The following EFCAB11 variants were observed in gnomAD, a reference collection of about 807,000 sequenced individuals.
EFCAB11 encodes the protein EF-hand calcium binding domain 11, also known as EF-hand calcium-binding domain-containing protein 11.
EFCAB11 carries 14 observed loss-of-function variants against 23.0 expected under a neutral mutation model. That is an observed-to-expected ratio of 0.61 (90% CI 0.40 to 0.95). The LOEUF (loss-of-function observed/expected upper bound fraction) is 0.95. EFCAB11 is among the 40% of genes least tolerant of loss of function. The pLI is 0.00. For missense variants in EFCAB11, 198 were observed against 195.8 expected, an observed-to-expected ratio of 1.01 and a Z score of -0.07; for synonymous variants, 65 against 66.6, an observed-to-expected ratio of 0.98 and a Z score of 0.11.
chr14:89,948,115 A>AT (rs1193708633), intron 3 of EFCAB11, among the ~76,000 whole-genome samples: 11 of 152,058 alleles, frequency 7.2e-5, no homozygotes, highest in Non-Finnish European at 1.5e-4. Flanking sequence ...TATGAATGAT[A>AT]TTTTTTCTTT....
intron 5 of EFCAB11, among the ~76,000 whole-genome samples, chr14:89,911,866 G>A (rs1889689709): frequency 6.6e-6 from 1 of 152,204 alleles, no homozygotes; most frequent in Non-Finnish European, 1.5e-5. Context: ...GACAGAGCAC[G>A]TGTCCTGTGC....
chr14:89,892,366 G>T (rs1434659329), intron 5 of EFCAB11: 5 of 1,611,614 alleles, frequency 3.1e-6, no homozygotes, highest in Non-Finnish European at 4.2e-6. Context: ...AGGGCTTGGG[G>T]GGTGTCCGGC....
At chr14:89,870,767 T>TAAC (rs1888241065) in intron 5 of EFCAB11, among the ~76,000 whole-genome samples, 1 of 102,972 alleles carries the variant, frequency 9.7e-6, no homozygotes. Flanking sequence ...TCATCTCTAC[T>TAAC]AAAAAAAAAA....
intron 5 of EFCAB11, among the ~76,000 whole-genome samples, chr14:89,892,954 T>A (rs1257478256): frequency 6.6e-6 from 1 of 152,094 alleles, no homozygotes; most frequent in Non-Finnish European, 1.5e-5. Flanking sequence ...GATGTGCAAC[T>A]TCCTGTCCTT....
chr14:89,910,310 T>C (rs185223699), intron 5 of EFCAB11, among the ~76,000 whole-genome samples: 134 of 152,230 alleles, frequency 8.8e-4, no homozygotes, highest in Admixed American at 1.4e-3. Context: ...ATTTAAAATG[T>C]CTAGTGACCG....
At chr14:89,890,826 G>C (rs774906988) in intron 5 of EFCAB11, among the ~76,000 whole-genome samples, 1 of 152,190 alleles carries the variant, frequency 6.6e-6, no homozygotes, top group African/African-American at 2.4e-5. Flanking sequence ...ATGGGGAGAC[G>C]AGGCCAGAAG....
intron 2 of EFCAB11, 93 bp downstream of exon 2, chr14:89,953,813 T>C: frequency 9.5e-7 from 1 of 1,055,006 alleles, no homozygotes; most frequent in South Asian, 1.5e-5. Context: ...TAAAGCAATT[T>C]ATAAACATCC....
chr14:89,877,313 C>G (rs1457130358), intron 5 of EFCAB11, among the ~76,000 whole-genome samples: 4 of 152,082 alleles, frequency 2.6e-5, no homozygotes, highest in Non-Finnish European at 4.4e-5. Context: ...GCTAGGATTA[C>G]AGGCATGAAC....
chr14:89,881,358 A>C (rs1888589996), intron 5 of EFCAB11, among the ~76,000 whole-genome samples: 1 of 148,412 alleles, frequency 6.7e-6, no homozygotes, highest in Admixed American at 6.8e-5. Context: ...CAAAAATCTC[A>C]GTTTCTCCAA....
At chr14:89,950,271 G>A (rs1378400126) in intron 2 of EFCAB11, 129 bp from the exon 3 acceptor site, 1 of 923,596 alleles carries the variant, frequency 1.1e-6, no homozygotes, top group African/African-American at 1.7e-5. Context: ...AAGCAGACAA[G>A]TAATGATACA....
chr14:89,812,622 G>A lies in EFCAB11; in HGVS notation c.411-15298C>T, dbSNP rs114603056. On this transcript the variant is annotated intron_variant, in intron 5 of 5. Transcript: ENST00000316738. ...GGGAATAGGATAAATGTCCTGGAAA[G>A]GTCACCTTGTATGTAAAAGGAATCA... Among the ~76,000 whole-genome samples, 804 of 152,280 alleles carry A rather than the reference G, an allele frequency of 5.3e-3. 6 individuals are homozygous for A. Among genetic ancestry groups the A allele is most frequent in the African/African-American group, 0.018 (759 of 41,554 alleles).
At chr14:89,947,287 T>A (rs1891017251) in intron 3 of EFCAB11, among the ~76,000 whole-genome samples, 1 of 152,192 alleles carries the variant, frequency 6.6e-6, no homozygotes, top group Non-Finnish European at 1.5e-5. Flanking sequence ...CTCTGGATCC[T>A]ATCCCCTTAC....
chr14:89,913,616 C>G (rs117763046), intron 5 of EFCAB11, among the ~76,000 whole-genome samples: 2 of 152,050 alleles, frequency 1.3e-5, no homozygotes, highest in African/African-American at 4.8e-5. Flanking sequence ...AATATATATA[C>G]CTTATACAGT....
intron 5 of EFCAB11, among the ~76,000 whole-genome samples, chr14:89,853,173 C>T (rs550163999): frequency 9.9e-5 from 15 of 152,208 alleles, no homozygotes; most frequent in Non-Finnish European, 2.2e-4. Context: ...ACACAAGCAA[C>T]AAATAACATA....
At chr14:89,827,628 CTTTTTTTTTT>C (rs36007256) in intron 5 of EFCAB11, among the ~76,000 whole-genome samples, 1 of 105,126 alleles carries the variant, frequency 9.5e-6, no homozygotes, top group Non-Finnish European at 1.9e-5. Flanking sequence ...TTTATTCACT[CTTTTTTTTTT>C]TTTTTTTTTT....
intron 5 of EFCAB11, among the ~76,000 whole-genome samples, chr14:89,827,629 T>C (rs1431641000): frequency 9.3e-5 from 7 of 75,448 alleles, no homozygotes; most frequent in African/African-American, 3.1e-4. Context: ...TTATTCACTC[T>C]TTTTTTTTTT....
At chr14:89,844,936 G>A (rs989309822) in intron 5 of EFCAB11, among the ~76,000 whole-genome samples, 5 of 151,982 alleles carry the variant, frequency 3.3e-5, no homozygotes, top group Non-Finnish European at 5.9e-5. Context: ...ATCTCGCACT[G>A]TGGGTGTGTT....
At chr14:89,909,512 C>T (rs1034403404) in intron 5 of EFCAB11, among the ~76,000 whole-genome samples, 5 of 151,214 alleles carry the variant, frequency 3.3e-5, no homozygotes, top group African/African-American at 9.8e-5. Flanking sequence ...GCCGGGGGGG[C>T]GGACGTTGCA....
intron 5 of EFCAB11, chr14:89,837,043 G>A (rs1359394761): frequency 8.8e-6 from 4 of 456,438 alleles, no homozygotes; most frequent in South Asian, 4.7e-5. Flanking sequence ...CAGGTGAGGG[G>A]TGTGCCTGAA....
Sources: allele counts gnomAD v4.1 joint callset (sites outside exome capture counted in the v4.1 genomes callset), GRCh38; gene constraint gnomAD v4.1.1; transcripts MANE v1.5; gene names NCBI Gene and HGNC (gene_info 2026-07-23, HGNC 2026-07-21).